RFC3: variants seen among roughly 807,000 people sequenced by gnomAD.
RFC3 encodes replication factor C subunit 3.
RFC3 carries 41 observed loss-of-function variants against 45.1 expected under a neutral mutation model. That is an observed-to-expected ratio of 0.91 (90% CI 0.71 to 1.18). RFC3 has a LOEUF of 1.18. Among genes scored for constraint, RFC3 ranks in the 50% most tolerant of loss-of-function variants. The probability of loss-of-function intolerance (pLI) is 0.00; values close to 1 mark genes in which losing one functional copy is unlikely to be tolerated. For missense variants in RFC3, 423 were observed against 428.1 expected, an observed-to-expected ratio of 0.99 and a Z score of 0.10; for synonymous variants, 149 against 144.0, an observed-to-expected ratio of 1.03 and a Z score of -0.25.
At chr13:33,942,488 A>C (rs1009097936) in intron 8 of RFC3, among the ~76,000 whole-genome samples, 1 of 152,100 alleles carries the variant, frequency 6.6e-6, no homozygotes, top group Non-Finnish European at 1.5e-5. Context: ...ATACTTTTTA[A>C]TTTAATGCTA....
chr13:33,929,227 G>GA (rs961075491), intron 8 of RFC3, among the ~76,000 whole-genome samples: 17 of 152,056 alleles, frequency 1.1e-4, no homozygotes, highest in African/African-American at 3.9e-4. Context: ...GGCAAGAGAA[G>GA]AAGACATTGC....
At position 33,854,579 on chromosome 13, in the gene RFC3, G is replaced by T. The variant is rs142763461; in HGVS notation, c.879+19362G>T. ...GTCTTTCCTAGCAGATGGGTTTCAT[G>T]TCCCAAGTAGTTCCATAGCTACAGA... is the stretch of plus-strand genomic sequence containing the variant. On this transcript the variant is annotated intron_variant, in intron 8 of 8. Coordinates refer to the RFC3 transcript ENST00000434425. Among the ~76,000 whole-genome samples the T allele has an allele frequency of 1.1e-4, 17 of 152,272 alleles. No homozygotes were observed. In the East Asian group the frequency reaches 3.3e-3, roughly 29 times the overall value.
chr13:33,962,802 G>C (rs946103208), intron 8 of RFC3, among the ~76,000 whole-genome samples: 3 of 152,122 alleles, frequency 2.0e-5, no homozygotes, highest in African/African-American at 7.2e-5. Context: ...TGAGGTTAGA[G>C]GCATGAGGCT....
downstream of RFC3, among the ~76,000 whole-genome samples, chr13:33,966,914 T>TG (rs1300621418): frequency 5.3e-5 from 8 of 152,156 alleles, no homozygotes; most frequent in African/African-American, 1.9e-4. Context: ...CCCAGCACTT[T>TG]GGGAGGTCAA....
chr13:33,874,110 T>G lies in RFC3; in HGVS notation c.879+38893T>G, dbSNP rs143680067. On this transcript the variant is annotated intron_variant, in intron 8 of 8. Transcript: ENST00000434425. Reference sequence around the variant, plus strand: ...TAATTTATGCGCCATCATCCTCTTCTGGACCACACATAAAGAGAGAAGTTG... The same window carrying G: ...TAATTTATGCGCCATCATCCTCTTCGGGACCACACATAAAGAGAGAAGTTG... Among the ~76,000 whole-genome samples, 19 of 152,338 alleles carry G rather than the reference T, an allele frequency of 1.2e-4. 1 individual carries two copies. The East Asian group carries it at 3.7e-3, about 29-fold the overall frequency.
chr13:33,876,884 GCTCTCTTTCT>G (rs1448622094), intron 8 of RFC3, among the ~76,000 whole-genome samples: 1 of 152,202 alleles, frequency 6.6e-6, no homozygotes, highest in African/African-American at 2.4e-5. Flanking sequence ...CCCATGGTTT[GCTCTCTTTCT>G]GTTCAGATGA....
At chr13:33,945,066 A>C (rs1219741775) in intron 8 of RFC3, among the ~76,000 whole-genome samples, 1 of 152,148 alleles carries the variant, frequency 6.6e-6, no homozygotes, top group Non-Finnish European at 1.5e-5. Flanking sequence ...TAGCCTTGTC[A>C]GCTCTTGCCC....
At chr13:33,854,370 G>A (rs1417809709) in intron 8 of RFC3, among the ~76,000 whole-genome samples, 1 of 152,186 alleles carries the variant, frequency 6.6e-6, no homozygotes, top group East Asian at 1.9e-4. Flanking sequence ...GAAGAAAAAG[G>A]ACTGGTTTAA....
At chr13:33,823,879 TA>T in intron 2 of RFC3, 37 bp from the exon 3 acceptor site, 2 of 1,110,838 alleles carry the variant, frequency 1.8e-6, no homozygotes, top group Non-Finnish European at 2.6e-6. Flanking sequence ...AAATAGGCAA[TA>T]AATAAATGTT....
intron 8 of RFC3, among the ~76,000 whole-genome samples, chr13:33,954,842 G>C (rs2083012257): frequency 6.6e-6 from 1 of 152,036 alleles, no homozygotes; most frequent in Non-Finnish European, 1.5e-5. Flanking sequence ...AACACACTGG[G>C]GATAAAGGCT....
chr13:33,870,075 A>C (rs556941995), intron 8 of RFC3, among the ~76,000 whole-genome samples: 1 of 152,234 alleles, frequency 6.6e-6, no homozygotes. Context: ...CCTAGAATCT[A>C]GTTCTTAAAG....
intron 8 of RFC3, among the ~76,000 whole-genome samples, chr13:33,952,228 C>G (rs1023622801): frequency 2.6e-5 from 4 of 152,186 alleles, no homozygotes; most frequent in Admixed American, 2.6e-4. Context: ...TGGTAACCAG[C>G]TCCCAAGAAG....
At chr13:33,950,383 A>C (rs2082982157) in intron 8 of RFC3, among the ~76,000 whole-genome samples, 1 of 152,208 alleles carries the variant, frequency 6.6e-6, no homozygotes. Context: ...ATTAGTAAAA[A>C]TATCGATATA....
intron 8 of RFC3, among the ~76,000 whole-genome samples, chr13:33,865,475 G>GA (rs2082367250): frequency 1.8e-5 from 1 of 54,162 alleles, no homozygotes; most frequent in Non-Finnish European, 9.1e-5. Flanking sequence ...GCTGGCATAA[G>GA]AAAAGAGTAA....
intron 8 of RFC3, among the ~76,000 whole-genome samples, chr13:33,937,211 C>T (rs2082892295): frequency 6.6e-6 from 1 of 152,084 alleles, no homozygotes; most frequent in African/African-American, 2.4e-5. Context: ...TTTAGATATA[C>T]AAATACTTAC....
In RFC3 at chr13:33,818,275, CG is replaced by C. The variant is rs772568550; in HGVS notation, c.87+15del. On this transcript the variant is annotated intron_variant, in intron 1 of 8. Transcript: ENST00000380071. ...CCAGCTGCGGAACCTGGTGAGTCTG[CG>C]GGGGCCGGGAGCGTGGGAGAGGGGA... The C allele has an allele frequency of 3.1e-6, 5 of 1,611,808 alleles. No individual in the cohort carries two copies. The South Asian group carries it at 5.5e-5, about 18-fold the overall frequency.
intron 8 of RFC3, among the ~76,000 whole-genome samples, chr13:33,865,322 T>A (rs1397971064): frequency 6.6e-6 from 1 of 152,202 alleles, no homozygotes; most frequent in Non-Finnish European, 1.5e-5. Flanking sequence ...CTGAGGGAGT[T>A]GCCTTGTAAG....
intron 8 of RFC3, among the ~76,000 whole-genome samples, chr13:33,905,874 C>T (rs74761864): frequency 0.03 from 4,636 of 152,124 alleles, 223 homozygotes; most frequent in African/African-American, 0.1. Context: ...CCTGATAAGA[C>T]AATCCATATC....
intron 8 of RFC3, among the ~76,000 whole-genome samples, chr13:33,897,923 T>C (rs1020560795): frequency 3.9e-4 from 59 of 151,900 alleles, no homozygotes; most frequent in African/African-American, 1.3e-3. Flanking sequence ...TATAAAAACA[T>C]TAACAATTGC....
Sources: allele counts gnomAD v4.1 joint callset (sites outside exome capture counted in the v4.1 genomes callset), GRCh38; gene constraint gnomAD v4.1.1; transcripts MANE v1.5; gene names NCBI Gene and HGNC (gene_info 2026-07-23, HGNC 2026-07-21).